The following DCHS2 variants were observed in gnomAD, a reference collection of about 807,000 sequenced individuals.
DCHS2 encodes dachsous cadherin-related 2.
A neutral mutation model predicts 182.4 loss-of-function variants in DCHS2; 142 were observed. That is an observed-to-expected ratio of 0.78 (90% CI 0.68 to 0.89). The LOEUF is 0.89. Among genes scored for constraint, DCHS2 ranks in the 40% least tolerant of loss-of-function variants. DCHS2 has a pLI of 0.00. For missense variants in DCHS2, 4,319 were observed against 4,198.6 expected, an observed-to-expected ratio of 1.03 and a Z score of -0.79; for synonymous variants, 1,740 against 1,663.3, an observed-to-expected ratio of 1.05 and a Z score of -1.12.
intron 9 of DCHS2, among the ~76,000 whole-genome samples, chr4:154,318,655 A>C (rs1192412673): frequency 2.0e-5 from 3 of 152,112 alleles, no homozygotes; most frequent in Admixed American, 6.6e-5. Context: ...TGAGGAGGTG[A>C]GTACCCTACA....
chr4:154,476,505 A>G (rs1030872555), intron 1 of DCHS2, among the ~76,000 whole-genome samples: 1 of 152,264 alleles, frequency 6.6e-6, no homozygotes, highest in Non-Finnish European at 1.5e-5. Flanking sequence ...CTGTAAGAAC[A>G]TGAAAGATTA....
intron 1 of DCHS2, among the ~76,000 whole-genome samples, chr4:154,383,213 A>T (rs1033288449): frequency 7.9e-5 from 12 of 152,212 alleles, no homozygotes; most frequent in African/African-American, 2.9e-4. Context: ...GGCTGCCATT[A>T]TCTTAAGGGA....
intron 1 of DCHS2, among the ~76,000 whole-genome samples, chr4:154,408,112 G>T (rs1309219886): frequency 6.6e-6 from 1 of 152,142 alleles, no homozygotes; most frequent in African/African-American, 2.4e-5. Context: ...GTTTAAGAAT[G>T]AGAAAGTTAA....
Position 154,235,450 on chromosome 4 carries a change from T to A in DCHS2, c.9202A>T (p.Thr3068Ser). ...CSNEVVPVDA[T>S]PEWLSLISIM... Reference sequence around the variant, plus strand: ...CTTATTAAACTCAACCATTCCGGAGTGGCATCCACAGGGACCACCTCGTTA... The same window carrying A: ...CTTATTAAACTCAACCATTCCGGAGAGGCATCCACAGGGACCACCTCGTTA... Residue 3068 changes from threonine (T) to serine (S), a missense_variant, in exon 20 of 20, where the codon ACT (threonine) becomes TCT (serine). Thr to Ser is a moderately conservative substitution (Grantham distance 58, BLOSUM62 1). Transcript: ENST00000357232. 6.2e-7 allele frequency: 1 copy of A among 1,614,024 alleles called. No homozygotes were observed. The highest frequency in any genetic ancestry group is 2.2e-5 in the East Asian group (1 of 44,874).
intron 1 of DCHS2, among the ~76,000 whole-genome samples, chr4:154,420,810 A>C (rs1326614819): frequency 6.6e-6 from 1 of 152,188 alleles, no homozygotes; most frequent in Non-Finnish European, 1.5e-5. Context: ...CCCTTAACCC[A>C]GTCAAGCTGA....
intron 3 of DCHS2, among the ~76,000 whole-genome samples, chr4:154,353,736 C>T (rs1460721108): frequency 6.6e-6 from 1 of 152,200 alleles, no homozygotes; most frequent in Non-Finnish European, 1.5e-5. Flanking sequence ...GTTCTATTCC[C>T]TGGAGGGTCT....
chr4:154,240,503 G>T lies in DCHS2; in HGVS notation c.7359+34C>A, dbSNP rs1435728496. The T allele has an allele frequency of 3.1e-6, 5 of 1,599,682 alleles. No homozygotes were observed. The African/African-American group carries it at 6.7e-5, about 22-fold the overall frequency. ...ATTATTCTCTATTCTTTCTAGTTTT[G>T]GCTTTGGTTTCGGCATCTCTTTAAG... is the stretch of plus-strand genomic sequence containing the variant. On this transcript the variant is annotated intron_variant, in intron 18 of 19. Transcript: ENST00000357232.
chr4:154,341,982 ATTGG>A (rs1335699328), intron 3 of DCHS2, among the ~76,000 whole-genome samples: 3 of 152,152 alleles, frequency 2.0e-5, no homozygotes, highest in African/African-American at 4.8e-5. Flanking sequence ...AATCAACACA[ATTGG>A]TAAATTCACT....
At chr4:154,263,720 C>T (rs1733100041) in intron 14 of DCHS2, among the ~76,000 whole-genome samples, 1 of 148,286 alleles carries the variant, frequency 6.7e-6, no homozygotes, top group South Asian at 2.1e-4. Context: ...GAAACTGAAG[C>T]AGAATTAGCA....
At chr4:154,378,825 C>T (rs1198799945) in intron 1 of DCHS2, among the ~76,000 whole-genome samples, 1 of 152,116 alleles carries the variant, frequency 6.6e-6, no homozygotes, top group East Asian at 1.9e-4. Context: ...TCATATAATC[C>T]TTTATTTACA....
intron 12 of DCHS2, among the ~76,000 whole-genome samples, chr4:154,302,228 G>A (rs1304271635): frequency 6.6e-6 from 1 of 152,108 alleles, no homozygotes; most frequent in Non-Finnish European, 1.5e-5. Flanking sequence ...AAAAACTTAA[G>A]TAAAATTCTA....
chr4:154,354,776 C>G (rs1729780500), intron 3 of DCHS2: 1 of 152,194 alleles, frequency 6.6e-6, no homozygotes, highest in Non-Finnish European at 1.5e-5. Context: ...GCCTTCCCAT[C>G]ATCCAGTAGT....
At chr4:154,415,403 G>T (rs1732792320) in intron 1 of DCHS2, among the ~76,000 whole-genome samples, 1 of 152,192 alleles carries the variant, frequency 6.6e-6, no homozygotes, top group Non-Finnish European at 1.5e-5. Flanking sequence ...GTTTCCCAGA[G>T]ACCCAGCCTT....
At chr4:154,309,729 TG>T (rs966959215) in intron 10 of DCHS2, among the ~76,000 whole-genome samples, 9 of 152,294 alleles carry the variant, frequency 5.9e-5, no homozygotes, top group African/African-American at 1.4e-4. Context: ...TCCTTAACCA[TG>T]GGAAATGGAA....
chr4:154,288,283 A>G (rs1446728568), intron 13 of DCHS2, among the ~76,000 whole-genome samples: 1 of 152,206 alleles, frequency 6.6e-6, no homozygotes, highest in African/African-American at 2.4e-5. Flanking sequence ...CTATATTTAT[A>G]TCATATACAA....
intron 16 of DCHS2, among the ~76,000 whole-genome samples, chr4:154,250,881 C>T (rs574495174): frequency 6.6e-5 from 10 of 152,340 alleles, no homozygotes; most frequent in South Asian, 4.1e-4. Context: ...GTTTCCACTA[C>T]GAGACACAGA....
intron 3 of DCHS2, among the ~76,000 whole-genome samples, chr4:154,363,634 T>C (rs1029063801): frequency 2.0e-5 from 3 of 152,316 alleles, no homozygotes; most frequent in African/African-American, 4.8e-5. Flanking sequence ...ATCTACTTTA[T>C]AGCATTAATA....
At chr4:154,488,565 A>C (rs534795165) in intron 1 of DCHS2, among the ~76,000 whole-genome samples, 2 of 151,040 alleles carry the variant, frequency 1.3e-5, no homozygotes, top group South Asian at 4.3e-4. Context: ...CACTTACGAG[A>C]ACTACCTTAT....
chr4:154,331,277 A>T (rs918208126), intron 5 of DCHS2, among the ~76,000 whole-genome samples: 1 of 152,214 alleles, frequency 6.6e-6, no homozygotes, highest in African/African-American at 2.4e-5. Flanking sequence ...AGCTTAAGCT[A>T]CTTGCTTAAA....
Sources: allele counts gnomAD v4.1 joint callset (sites outside exome capture counted in the v4.1 genomes callset), GRCh38; gene constraint gnomAD v4.1.1; transcripts MANE v1.5; gene names NCBI Gene and HGNC (gene_info 2026-07-23, HGNC 2026-07-21).